The following TPRG1 variants were observed in gnomAD, a reference collection of about 807,000 sequenced individuals.
TPRG1 encodes the protein tumor protein p63-regulated gene 1 protein.
Under a neutral mutation model 29.3 loss-of-function variants are expected in TPRG1, and 29 were observed. The ratio of observed to expected loss-of-function variants is 0.99; its 90% CI spans 0.74 to 1.35. The LOEUF (loss-of-function observed/expected upper bound fraction) is 1.35, where lower values mean the gene tolerates loss of function less well. Ranked by LOEUF, TPRG1 falls within the 40% of genes most tolerant of loss-of-function variation. The probability of loss-of-function intolerance (pLI) is 0.00; values close to 1 mark genes in which losing one functional copy is unlikely to be tolerated. For synonymous variants in TPRG1, 130 were observed against 116.8 expected (o/e 1.11, Z -0.73); for missense variants, 327 against 335.0 (o/e 0.98, Z 0.19).
chr3:189,163,970 A>AG (rs139156981), intron 5 of TPRG1, among the ~76,000 whole-genome samples: 82,411 of 151,210 alleles, frequency 0.55, 25,245 homozygotes, highest in African/African-American at 0.84. Flanking sequence ...TTTTTTTTTC[A>AG]AATAAGGTAA....
At chr3:189,267,849 CTG>C (rs1714387210) in intron 4 of TPRG1, 1 of 152,142 alleles carries the variant, frequency 6.6e-6, no homozygotes. Flanking sequence ...AGGCACATTG[CTG>C]TATGTGAATG....
chr3:189,281,322 G>A lies in TPRG1; in HGVS notation c.480-29064G>A, dbSNP rs115078903. ...TGTGAAAATCTCCTAGTAAACTTAA[G>A]GAAAACATGTTCTTTATTGATTAAA... is the stretch of plus-strand genomic sequence containing the variant. On this transcript the variant is annotated intron_variant, in intron 4 of 5. Transcript: ENST00000345063. 7.9e-3 allele frequency among the ~76,000 whole-genome samples: 1,209 copies of A among 152,086 alleles called. 12 individuals are homozygous for A. Among genetic ancestry groups the A allele is most frequent in the African/African-American group, 0.027 (1,138 of 41,488 alleles).
At chr3:189,158,895 T>G (rs148989716) in intron 5 of TPRG1, among the ~76,000 whole-genome samples, 12 of 152,318 alleles carry the variant, frequency 7.9e-5, no homozygotes, top group African/African-American at 2.9e-4. Flanking sequence ...AAAGTATCTT[T>G]TCTATCCAAA....
chr3:189,055,855 C>G (rs182950469), intron 4 of TPRG1, among the ~76,000 whole-genome samples: 2 of 152,182 alleles, frequency 1.3e-5, no homozygotes, highest in East Asian at 3.9e-4. Context: ...TGATCTGGCT[C>G]CAAAACCTCT....
chr3:189,188,765 G>A (rs953842038), intron 1 of TPRG1, among the ~76,000 whole-genome samples: 1 of 152,112 alleles, frequency 6.6e-6, no homozygotes, highest in Non-Finnish European at 1.5e-5. Flanking sequence ...GATAAGCCTT[G>A]CCCAAGAGAC....
At chr3:189,159,840 A>ATGTGTG (rs57781182) in intron 5 of TPRG1, among the ~76,000 whole-genome samples, 2 of 138,486 alleles carry the variant, frequency 1.4e-5, no homozygotes, top group South Asian at 2.3e-4. Context: ...GTGTTTGTGT[A>ATGTGTG]TGTGTGTGTG....
At chr3:189,303,074 T>C (rs1337186201) in intron 4 of TPRG1, among the ~76,000 whole-genome samples, 1 of 152,108 alleles carries the variant, frequency 6.6e-6, no homozygotes, top group Non-Finnish European at 1.5e-5. Context: ...GGAAGCAGTA[T>C]AGGAAAGTAT....
In TPRG1 at chr3:189,086,012, A is replaced by G. The variant is rs567835004; in HGVS notation, c.-462-41045A>G. On this transcript the variant is annotated intron_variant, in intron 4 of 10. Transcript: ENST00000433971. ...CACCATCGCAAGATGAAGTCCCACA[A>G]TAGGCCATCTGCAAGCTGAGGAGCA... is the stretch of plus-strand genomic sequence containing the variant. 2.0e-5 allele frequency among the ~76,000 whole-genome samples: 3 copies of G among 152,310 alleles called. No homozygotes were observed. The South Asian group carries it at 6.2e-4, about 32-fold the overall frequency.
At chr3:189,174,473 C>T (rs530114449) in intron 1 of TPRG1, among the ~76,000 whole-genome samples, 1 of 152,226 alleles carries the variant, frequency 6.6e-6, no homozygotes, top group African/African-American at 2.4e-5. Flanking sequence ...TTTAGGCTAC[C>T]AAGTGTTTGA....
chr3:189,206,066 T>C (rs952287259), intron 1 of TPRG1, among the ~76,000 whole-genome samples: 7,420 of 140,146 alleles, frequency 0.053, 243 homozygotes, highest in Middle Eastern at 0.11. Context: ...TTTCTTTCTT[T>C]TTTCTTTCTT....
chr3:189,232,019 A>AT (rs1388637690), intron 3 of TPRG1, among the ~76,000 whole-genome samples: 1 of 150,136 alleles, frequency 6.7e-6, no homozygotes. Flanking sequence ...AATGTTTGTG[A>AT]TTTTTATTGT....
intron 4 of TPRG1, among the ~76,000 whole-genome samples, chr3:189,031,445 C>T (rs1713930885): frequency 6.6e-6 from 1 of 152,104 alleles, no homozygotes; most frequent in Non-Finnish European, 1.5e-5. Flanking sequence ...TATATGAAGC[C>T]TATTTTACTT....
At chr3:189,051,065 T>C (rs1011357777) in intron 4 of TPRG1, among the ~76,000 whole-genome samples, 3 of 152,228 alleles carry the variant, frequency 2.0e-5, no homozygotes, top group Middle Eastern at 3.4e-3. Flanking sequence ...TTCAACATAG[T>C]ACTGGAAGTC....
rs540049131 is a variant in TPRG1, at chr3:189,050,431, G to A, written c.-463+26485G>A. ...CAGACCGATAACAAGCAGCAGGTTT[G>A]AAATGGTAATTTAAAAATTACCAAC... On this transcript the variant is annotated intron_variant, in intron 4 of 10. Transcript: ENST00000433971. 9.2e-5 allele frequency among the ~76,000 whole-genome samples: 14 copies of A among 152,282 alleles called. No homozygotes were observed. The East Asian group carries it at 2.5e-3, about 27-fold the overall frequency.
At chr3:189,034,852 G>T (rs1163683552) in intron 4 of TPRG1, among the ~76,000 whole-genome samples, 1 of 152,018 alleles carries the variant, frequency 6.6e-6, no homozygotes, top group Non-Finnish European at 1.5e-5. Context: ...TGTTAAAAGA[G>T]CTATACTTCC....
intron 1 of TPRG1, among the ~76,000 whole-genome samples, chr3:189,186,285 T>C (rs998612556): frequency 2.6e-5 from 4 of 152,194 alleles, no homozygotes; most frequent in Admixed American, 1.3e-4. Flanking sequence ...GAATTTTTCT[T>C]GGATTGACCA....
At chr3:189,216,675 CTCTT>C (rs948445840) in intron 3 of TPRG1, among the ~76,000 whole-genome samples, 13 of 152,186 alleles carry the variant, frequency 8.5e-5, no homozygotes, top group African/African-American at 3.1e-4. Context: ...TAGTAAGAGG[CTCTT>C]TCTTTGTAGC....
At chr3:189,207,233 A>G in intron 1 of TPRG1, 143 bp from the exon 2 acceptor site, 1 of 1,423,600 alleles carries the variant, frequency 7.0e-7, no homozygotes, top group East Asian at 2.5e-5. Flanking sequence ...AGCTGTATCC[A>G]CCAATGCCTC....
rs942399119 is a variant in TPRG1, at chr3:189,187,680, G to T, written c.-10+15549G>T. 1.9e-4 allele frequency among the ~76,000 whole-genome samples: 29 copies of T among 151,710 alleles called. 1 individual carries two copies. Among genetic ancestry groups the T allele is most frequent in the African/African-American group, 7.0e-4 (29 of 41,218 alleles). On this transcript the variant is annotated intron_variant, in intron 1 of 5. Coordinates refer to ENST00000345063, the MANE Select transcript of TPRG1 (RefSeq NM_198485.4). ...CTACTTGACATTTGAGAAAACTGAG[G>T]CTGAGGGGTTTAAATTGCCACTCAA...
Sources: gnomAD v4.1 joint callset for allele counts (sites outside exome capture counted in the v4.1 genomes callset) on GRCh38, gnomAD v4.1.1 for gene constraint, MANE v1.5 for transcripts, NCBI Gene and HGNC (gene_info 2026-07-23, HGNC 2026-07-21) for gene names.